The following PLEKHH2 variants were observed in gnomAD, a reference collection of about 807,000 sequenced individuals.
PLEKHH2 encodes the protein pleckstrin homology, MyTH4 and FERM domain containing H2.
In PLEKHH2, 129 loss-of-function variants were observed where a neutral mutation model predicts 187.9. The observed-to-expected ratio is 0.69, with a 90% CI of 0.59 to 0.79. The LOEUF (loss-of-function observed/expected upper bound fraction) is 0.79, where lower values mean the gene tolerates loss of function less well. PLEKHH2 is among the 30% of genes least tolerant of loss of function. The probability of loss-of-function intolerance (pLI) is 0.00; values close to 1 mark genes in which losing one functional copy is unlikely to be tolerated. For synonymous variants in PLEKHH2, 686 were observed against 605.6 expected (o/e 1.13, Z -1.95); for missense variants, 2,076 against 1,751.2 (o/e 1.19, Z -3.31).
At chr2:43,747,092 G>GTC (rs539728000) in intron 24 of PLEKHH2, among the ~76,000 whole-genome samples, 8,773 of 130,462 alleles carry the variant, frequency 0.067, 866 homozygotes, top group African/African-American at 0.21. Flanking sequence ...CTTTCTTTCT[G>GTC]TCTCTCTCTC....
chr2:43,744,567 G>A (rs1477196449), intron 23 of PLEKHH2, among the ~76,000 whole-genome samples: 1 of 152,152 alleles, frequency 6.6e-6, no homozygotes, highest in Non-Finnish European at 1.5e-5. Context: ...ATGAAAAATG[G>A]TTTAGGAAAC....
intron 24 of PLEKHH2, among the ~76,000 whole-genome samples, chr2:43,747,964 C>G (rs1572656989): frequency 1.3e-5 from 2 of 152,226 alleles, no homozygotes; most frequent in East Asian, 3.8e-4. Context: ...GTCACAGTAT[C>G]TTCCTTGTCA....
chr2:43,676,227 T>C (rs1194924737), intron 2 of PLEKHH2: 2 of 1,613,974 alleles, frequency 1.2e-6, no homozygotes. Flanking sequence ...GACCTCTGTG[T>C]CGAATGTGAA....
chr2:43,754,186 ACACACACACAC>A (rs1672115201), intron 25 of PLEKHH2, among the ~76,000 whole-genome samples: 1 of 126,082 alleles, frequency 7.9e-6, no homozygotes, highest in African/African-American at 3.6e-5. Context: ...ACACACACAC[ACACACACACAC>A]ACACACACAA....
At chr2:43,682,512 G>A (rs906707780) in intron 3 of PLEKHH2, among the ~76,000 whole-genome samples, 22 of 152,046 alleles carry the variant, frequency 1.4e-4, no homozygotes, top group East Asian at 7.7e-4. Context: ...TCACCATGTT[G>A]GCCAGGCTGG....
chr2:43,654,537 A>G (rs553295289), intron 2 of PLEKHH2, among the ~76,000 whole-genome samples: 1 of 148,918 alleles, frequency 6.7e-6, no homozygotes, highest in Non-Finnish European at 1.5e-5. Flanking sequence ...CTTTAAGTGT[A>G]ACCACTTAAA....
chr2:43,716,431 A>T (rs557943582), intron 15 of PLEKHH2, among the ~76,000 whole-genome samples: 1 of 152,294 alleles, frequency 6.6e-6, no homozygotes, highest in African/African-American at 2.4e-5. Context: ...AAGAGTGGGG[A>T]AAAGGGTGGA....
chr2:43,715,644 T>A (rs934349397), intron 15 of PLEKHH2, among the ~76,000 whole-genome samples: 2 of 152,082 alleles, frequency 1.3e-5, no homozygotes, highest in Admixed American at 1.3e-4. Flanking sequence ...TTTAGTTTGA[T>A]TGAATTTGGG....
chr2:43,729,692 G>C lies in PLEKHH2; in HGVS notation c.2777G>C (p.Gly926Ala), dbSNP rs1223146538. ...GCTGGAAGCAACAATGTAAACGTTG[G>C]ATCTGAATTTGAACAACTGGTTTGC... is the stretch of plus-strand genomic sequence containing the variant. ...VAAGSNNVNV[G>A]SEFEQLVCKL... is the part of the protein sequence containing the mutation. The change falls in exon 18 of 30, where the codon GGA becomes GCA. Residue 926 changes from glycine (G) to alanine (A), a missense_variant. Coordinates refer to ENST00000282406, the MANE Select transcript of PLEKHH2 (RefSeq NM_172069.4). 1.2e-6 allele frequency: 2 copies of C among 1,609,940 alleles called. No individual in the cohort carries two copies. Among genetic ancestry groups the C allele is most frequent in the Admixed American group, 3.4e-5 (2 of 58,982 alleles).
intron 21 of PLEKHH2, among the ~76,000 whole-genome samples, chr2:43,742,234 T>G (rs1671596749): frequency 6.6e-6 from 1 of 152,108 alleles, no homozygotes; most frequent in Non-Finnish European, 1.5e-5. Context: ...ACTCTCGACC[T>G]CAGGTGATCT....
chr2:43,666,055 G>A (rs1667185328), intron 2 of PLEKHH2, among the ~76,000 whole-genome samples: 1 of 149,104 alleles, frequency 6.7e-6, no homozygotes, highest in Admixed American at 6.6e-5. Context: ...GGGCAATGGC[G>A]GGCTCCCCTC....
At chr2:43,647,580 T>C (rs533390284) in intron 2 of PLEKHH2, among the ~76,000 whole-genome samples, 1 of 152,234 alleles carries the variant, frequency 6.6e-6, no homozygotes, top group South Asian at 2.1e-4. Context: ...TATGTAGTAA[T>C]AACGATTTAC....
At chr2:43,707,647 T>C in intron 11 of PLEKHH2, 102 bp downstream of exon 11, 1 of 1,385,148 alleles carries the variant, frequency 7.2e-7, no homozygotes, top group Admixed American at 2.3e-5. Context: ...TCCAAGAACT[T>C]GCTTCAGACC....
In PLEKHH2 at chr2:43,675,466, A is replaced by T. The variant is rs1179899643; in HGVS notation, c.124-3397A>T. ...CCTGAGCCGGTACAGGCCATACATC[A>T]TTACTTCCATCTTTTGGGGGGTCAG... On this transcript the variant is annotated intron_variant, in intron 2 of 29. Coordinates refer to ENST00000282406, the MANE Select transcript of PLEKHH2 (RefSeq NM_172069.4). 3 of 1,613,944 alleles carry T rather than the reference A, an allele frequency of 1.9e-6. No individual in the cohort carries two copies. The East Asian group carries it at 6.7e-5, about 36-fold the overall frequency.
At chr2:43,710,439 TA>T in intron 13 of PLEKHH2, 49 bp from the exon 14 acceptor site, 1 of 1,584,466 alleles carries the variant, frequency 6.3e-7, no homozygotes, top group East Asian at 2.2e-5. Flanking sequence ...CATTCCTTAT[TA>T]TTACTGTTAA....
intron 1 of PLEKHH2, among the ~76,000 whole-genome samples, chr2:43,637,863 G>T (rs1328062915): frequency 1.3e-5 from 2 of 152,208 alleles, no homozygotes; most frequent in Admixed American, 1.3e-4. Flanking sequence ...TACACCTCGA[G>T]TTGCTGGCAC....
intron 2 of PLEKHH2, among the ~76,000 whole-genome samples, chr2:43,652,153 T>C (rs1242964081): frequency 6.6e-6 from 1 of 152,228 alleles, no homozygotes; most frequent in Non-Finnish European, 1.5e-5. Flanking sequence ...TATTCAATTT[T>C]GTAAGAGAAT....
At chr2:43,738,977 C>T (rs907807866) in intron 20 of PLEKHH2, among the ~76,000 whole-genome samples, 5 of 152,150 alleles carry the variant, frequency 3.3e-5, no homozygotes, top group African/African-American at 4.8e-5. Flanking sequence ...CTGGAACCTC[C>T]GCCTCCCGGG....
intron 18 of PLEKHH2, among the ~76,000 whole-genome samples, chr2:43,730,659 A>G (rs540363655): frequency 6.6e-6 from 1 of 152,284 alleles, no homozygotes; most frequent in Non-Finnish European, 1.5e-5. Flanking sequence ...TCAGCCTCCC[A>G]AAGTGCTGGC....
Sources: gnomAD v4.1 joint callset for allele counts (sites outside exome capture counted in the v4.1 genomes callset) on GRCh38, gnomAD v4.1.1 for gene constraint, MANE v1.5 for transcripts, NCBI Gene and HGNC (gene_info 2026-07-23, HGNC 2026-07-21) for gene names.